Variants in NKPD1 observed in about 807,000 individuals in gnomAD.
NKPD1 encodes the protein NTPase KAP family P-loop domain containing 1, also known as NTPase KAP family P-loop domain-containing protein 1.
Under a neutral mutation model 42.2 loss-of-function variants are expected in NKPD1, and 37 were observed. The ratio of observed to expected loss-of-function variants is 0.88; its 90% CI spans 0.67 to 1.15. The LOEUF is 1.15. NKPD1 is among the 50% of genes most tolerant of loss of function. The pLI, the probability that NKPD1 is intolerant of heterozygous loss-of-function variation, is 0.00. For synonymous variants in NKPD1, 552 were observed against 536.5 expected, an observed-to-expected ratio of 1.03 and a Z score of -0.40; for missense variants, 1,113 against 1,174.6, an observed-to-expected ratio of 0.95 and a Z score of 0.77.
At chr19:45,161,302 G>A (rs1344302362), upstream of NKPD1, among the ~76,000 whole-genome samples, 3 of 152,294 alleles carry the variant, frequency 2.0e-5, no homozygotes, top group Non-Finnish European at 2.9e-5. Context: ...TTCACTCTCC[G>A]AGCCATGGCT....
In NKPD1 at chr19:45,152,817, G is replaced by T. The variant is rs536523985; in HGVS notation, c.1620C>A (p.Phe540Leu). 1.9e-6 allele frequency: 3 copies of T among 1,598,770 alleles called. No individual in the cohort carries two copies. The East Asian group carries it at 6.8e-5, about 36-fold the overall frequency. Residue 540 changes from phenylalanine to leucine, a missense_variant, in exon 5 of 5, where the codon TTC becomes TTA. Transcript: ENST00000686631. Reference protein sequence around the residue: ...PIMGRRTKLQFLHDAVQSRDD... With the variant: ...PIMGRRTKLQLLHDAVQSRDD... ...CGCGGCTCTGCACCGCATCGTGCAGGAACTGCAGCTTGGTGCGGCGGCCCA... is the reference window on the plus strand; with the variant it reads ...CGCGGCTCTGCACCGCATCGTGCAGTAACTGCAGCTTGGTGCGGCGGCCCA...
rs1045579105 is a variant in NKPD1, at chr19:45,159,128, G to C, written c.92-28C>G. 3.2e-6 allele frequency: 4 copies of C among 1,255,462 alleles called. No homozygotes were observed. The African/African-American group carries it at 4.7e-5, about 15-fold the overall frequency. 77.8% of individuals were successfully genotyped at this position (1,255,462 alleles called of 1,614,324 possible). A position where few individuals can be genotyped will look rare whatever the true frequency, so the allele number is the denominator to read the frequency against. On this transcript the variant is annotated intron_variant, in intron 2 of 4. Transcript: ENST00000686631. ...GGAAGGAAGGAAGTGGGGGTGACTG[G>C]GCCTGTGTCCCCGACCCCCGGGGGC...
rs759030916 is a variant in NKPD1 at position 45,152,600 on chromosome 19, C to G, written c.1837G>C (p.Glu613Gln). The G allele has an allele frequency of 6.3e-6, 10 of 1,582,892 alleles. No homozygotes were observed. Among genetic ancestry groups the G allele is most frequent in the African/African-American group, 1.4e-5 (1 of 72,376 alleles). Residue 613 changes from glutamate to glutamine, a missense_variant, in exon 5 of 5, where the codon GAG becomes CAG. By Grantham distance (29) the Glu-to-Gln change is conservative. Around this residue, in one of 3 missense-constraint regions of NKPD1, gnomAD observed 867 missense variants for 870.1 expected, o/e 1.00. Coordinates refer to ENST00000686631, the MANE Select transcript of NKPD1 (RefSeq NM_198478.4). The part of the protein sequence containing the change: ...CLHDERDCLY[E>Q]YVPDNVVSMR... ...GACACCACGTTGTCGGGCACGTACT[C>G]GTAGAGGCAGTCGCGCTCGTCGTGA... is the stretch of plus-strand genomic sequence containing the variant.
In NKPD1 at chr19:45,152,118, G is replaced by C; in HGVS notation, c.2319C>G (p.Thr773=). 3 of 1,604,380 alleles carry C rather than the reference G, an allele frequency of 1.9e-6. No homozygotes were observed. Among genetic ancestry groups the C allele is most frequent in the Non-Finnish European group, 2.5e-6 (3 of 1,176,534 alleles). The change falls in exon 5 of 5, where the codon ACC becomes ACG. Residue 773 remains threonine, a synonymous_variant. Transcript: ENST00000686631. ...GGTGGGCAGCGTGGGGGGTATCGCG[G>C]GTAGGGGACTTGGGCGGGCTGGGCG... The part of the protein sequence containing the change: ...LKPPSPPKSP[T]RDTPHAAHRA...
chr19:45,156,987 TAG>T (rs1408902903), intron 3 of NKPD1, among the ~76,000 whole-genome samples: 1 of 152,168 alleles, frequency 6.6e-6, no homozygotes, highest in Non-Finnish European at 1.5e-5. Flanking sequence ...GTGTGTGAAA[TAG>T]ACATCGTAGC....
At chr19:45,157,121 C>A (rs971659866) in intron 3 of NKPD1, among the ~76,000 whole-genome samples, 2 of 152,244 alleles carry the variant, frequency 1.3e-5, no homozygotes, top group African/African-American at 4.8e-5. Context: ...GGCTGCCGCA[C>A]CTCTCGCCTG....
intron 1 of NKPD1, among the ~76,000 whole-genome samples, chr19:45,160,488 T>A (rs1599726364): frequency 6.6e-6 from 1 of 151,168 alleles, no homozygotes; most frequent in South Asian, 2.1e-4. Context: ...CACTGGGGAG[T>A]GCTGAGCAGA....
rs1224831712 is a variant in NKPD1, at chr19:45,152,794, C to A, written c.1643G>T (p.Arg548Leu). ...LQFLHDAVQS[R>L]DDLLYREMTR... ...CATCTCGCGGTACAACAGGTCGTCG[C>A]GGCTCTGCACCGCATCGTGCAGGAA... Residue 548 changes from arginine (R) to leucine (L), a missense_variant, in exon 5 of 5, where the codon CGC becomes CTC. Coordinates refer to ENST00000686631, the MANE Select transcript of NKPD1 (RefSeq NM_198478.4). 6.2e-7 allele frequency: 1 copy of A among 1,601,156 alleles called. No individual in the cohort carries two copies. The highest frequency in any genetic ancestry group is 8.5e-7 in the Non-Finnish European group (1 of 1,174,020).
rs746231458 is a variant in NKPD1, at chr19:45,155,923, G to A, written c.530-7C>T. The A allele has an allele frequency of 1.5e-6, 2 of 1,304,098 alleles. No individual in the cohort carries two copies. Among genetic ancestry groups the A allele is most frequent in the Non-Finnish European group, 2.0e-6 (2 of 987,948 alleles). The allele number at this position is 1,304,098 out of a possible 1,614,324, so 80.8% of individuals were successfully genotyped here. A position where few individuals can be genotyped will look rare whatever the true frequency, so the allele number is the denominator to read the frequency against. On this transcript the variant is annotated splice_polypyrimidine_tract_variant and splice_region_variant and intron_variant, in intron 3 of 4. Coordinates refer to ENST00000686631, the MANE Select transcript of NKPD1 (RefSeq NM_198478.4). ...TCATCCTCTGTCAGGATGTCTGGTG[G>A]TTGGGAGTGGGGACACTGAGTCAGG...
chr19:45,150,712 G>A lies in NKPD1; in HGVS notation c.*1226C>T, dbSNP rs1190124941. The A allele has an allele frequency of 6.6e-6, 1 of 152,314 alleles. No individual in the cohort carries two copies. Among genetic ancestry groups the A allele is most frequent in the African/African-American group, 2.4e-5 (1 of 41,446 alleles). The allele number at this position is 152,314 out of a possible 1,614,324, so 9.4% of individuals were successfully genotyped here. A position where few individuals can be genotyped will look rare whatever the true frequency, so the allele number is the denominator to read the frequency against. ...GGCTCCCACTGACCTGCATGCACCT[G>A]TGACAATTGCTGTGGCCAGAGAACT... On this transcript the variant is annotated 3_prime_UTR_variant, in exon 5 of 5. Coordinates refer to ENST00000686631, the MANE Select transcript of NKPD1 (RefSeq NM_198478.4).
Position 45,152,066 on chromosome 19 carries a change from G to A in NKPD1, c.2371C>T (p.Pro791Ser). Residue 791 changes from proline to serine, a missense_variant, in exon 5 of 5, where the codon CCG (proline) becomes TCG (serine). By Grantham distance (74) the Pro-to-Ser change is moderately conservative. Around this residue, in one of 3 missense-constraint regions of NKPD1, gnomAD observed 867 missense variants for 870.1 expected, o/e 1.00. Coordinates refer to ENST00000686631, the MANE Select transcript of NKPD1 (RefSeq NM_198478.4). Reference protein sequence around the residue: ...HRANSASRAPPSGRASGQAGE... With the variant: ...HRANSASRAPSSGRASGQAGE... ...GCTTGCCCTGAGGCACGGCCCGACG[G>A]GGGCGCCCTGGAGGCGCTGTTGGCC... 1 of 1,607,954 alleles carries A rather than the reference G, an allele frequency of 6.2e-7. No individual in the cohort carries two copies. Among genetic ancestry groups the A allele is most frequent in the African/African-American group, 1.3e-5 (1 of 74,976 alleles).
chr19:45,157,654 G>A (rs937613794), intron 3 of NKPD1, among the ~76,000 whole-genome samples: 11 of 150,888 alleles, frequency 7.3e-5, no homozygotes, highest in Middle Eastern at 6.9e-3. Context: ...GGCCTCAAGC[G>A]ATCCTCCTGC....
At chr19:45,162,679 G>A (rs2122811437), upstream of NKPD1, among the ~76,000 whole-genome samples, 1 of 152,324 alleles carries the variant, frequency 6.6e-6, no homozygotes, top group Middle Eastern at 3.4e-3. Context: ...TGCTCCCCAG[G>A]AAGACGCTCC....
chr19:45,155,722 C>T lies in NKPD1; in HGVS notation c.661+63G>A, dbSNP rs117260147. 4,208 of 1,254,574 alleles carry T rather than the reference C, an allele frequency of 3.4e-3. 122 individuals carry two copies. In the Admixed American group the frequency reaches 0.055, roughly 17 times the overall value. The allele number at this position is 1,254,574 out of a possible 1,614,324, so 77.7% of individuals were successfully genotyped here. On this transcript the variant is annotated intron_variant, in intron 4 of 4. Coordinates refer to ENST00000686631, the MANE Select transcript of NKPD1 (RefSeq NM_198478.4). ...GGGGGGATCTGGGGGAAGCCTGGAG[C>T]TGGGCGGGGACCAGAGGCCCTGTTT...
In NKPD1 at chr19:45,153,049, GT is replaced by G. The variant is rs1968824849; in HGVS notation, c.1387del (p.Thr463ArgfsTer40). ...RVVLEVTGLD[T>X]CYPERVVGVL... ...GCCCACCACGCGCTCCGGGTAGCAC[GT>G]GTCCAGCCCGGTGACCTCCAGCACC... On this transcript the variant is annotated frameshift_variant, in exon 5 of 5. Transcript: ENST00000686631. LOFTEE classifies it high-confidence loss of function. 6.3e-7 allele frequency: 1 copy of G among 1,585,798 alleles called. No homozygotes were observed. The highest frequency in any genetic ancestry group is 8.6e-7 in the Non-Finnish European group (1 of 1,166,442).
In NKPD1 at chr19:45,152,967, G is replaced by C; in HGVS notation, c.1470C>G (p.Ile490Met). ...CCAGGATGCTGGGGTCCACGACCAG[G>C]ATGAAGATGAAGGGCGCGTGGCTGT... The part of the protein sequence containing the change: ...LSDSHAPFIF[I>M]LVVDPSILAA... The change falls in exon 5 of 5, where the codon ATC becomes ATG. Residue 490 changes from isoleucine (I) to methionine (M), a missense_variant. Ile to Met is a conservative substitution (Grantham distance 10). Coordinates refer to ENST00000686631, the MANE Select transcript of NKPD1 (RefSeq NM_198478.4). The C allele has an allele frequency of 6.3e-7, 1 of 1,586,262 alleles. No homozygotes were observed. Among genetic ancestry groups the C allele is most frequent in the Non-Finnish European group, 8.6e-7 (1 of 1,165,420 alleles).
At position 45,153,039 on chromosome 19, in the gene NKPD1, C is replaced by G. The variant is rs776169317; in HGVS notation, c.1398G>C (p.Pro466=). The change falls in exon 5 of 5, where the codon CCG becomes CCC. Residue 466 remains proline (P), a synonymous_variant. Transcript: ENST00000686631. ...CGTTGAGCACGCCCACCACGCGCTC[C>G]GGGTAGCACGTGTCCAGCCCGGTGA... The part of the protein sequence containing the change: ...LEVTGLDTCY[P]ERVVGVLNAI... 56 of 1,582,310 alleles carry G rather than the reference C, an allele frequency of 3.5e-5. No homozygotes were observed. Among genetic ancestry groups the G allele is most frequent in the Non-Finnish European group, 2.7e-5 (31 of 1,163,736 alleles).
Position 45,151,921 on chromosome 19 carries a change from C to A in NKPD1, c.*17G>T. 6.6e-7 allele frequency: 1 copy of A among 1,524,646 alleles called. No individual in the cohort carries two copies. The highest frequency in any genetic ancestry group is 1.3e-5 in the South Asian group (1 of 78,302). 94.4% of individuals were successfully genotyped at this position (1,524,646 alleles called of 1,614,324 possible). On this transcript the variant is annotated 3_prime_UTR_variant, in exon 5 of 5. Coordinates refer to ENST00000686631, the MANE Select transcript of NKPD1 (RefSeq NM_198478.4). ...ATGGAGGAACCCTTGCCTCCTGCTG[C>A]CCGCCAAGTCCTCCATTTAAGGCCC... is the stretch of plus-strand genomic sequence containing the variant.
Position 45,152,591 on chromosome 19 carries a change from G to A in NKPD1, c.1846C>T (p.Pro616Ser). ...CGCCGCATGGACACCACGTTGTCGG[G>A]CACGTACTCGTAGAGGCAGTCGCGC... ...DERDCLYEYV[P>S]DNVVSMRRIV... Residue 616 changes from proline to serine, a missense_variant, in exon 5 of 5, where the codon CCC becomes TCC. Pro to Ser is a moderately conservative substitution (Grantham distance 74, BLOSUM62 -1). Around this residue, in one of 3 missense-constraint regions of NKPD1, gnomAD observed 867 missense variants for 870.1 expected, o/e 1.00. Coordinates refer to ENST00000686631, the MANE Select transcript of NKPD1 (RefSeq NM_198478.4). 1 of 1,585,492 alleles carries A rather than the reference G, an allele frequency of 6.3e-7. No individual in the cohort carries two copies. The highest frequency in any genetic ancestry group is 8.5e-7 in the Non-Finnish European group (1 of 1,175,146).
Sources: allele counts gnomAD v4.1 joint callset (sites outside exome capture counted in the v4.1 genomes callset), GRCh38; gene constraint gnomAD v4.1.1; regional missense constraint gnomAD v4.1.1; transcripts MANE v1.5; gene names NCBI Gene and HGNC (gene_info 2026-07-23, HGNC 2026-07-21).